SUGCT: variants seen among roughly 807,000 people sequenced by gnomAD.
SUGCT encodes the protein succinyl-CoA:glutarate CoA-transferase.
In SUGCT, 41 loss-of-function variants were observed where a neutral mutation model predicts 55.0. That is an observed-to-expected ratio of 0.74 (90% CI 0.58 to 0.97). The LOEUF is 0.97. Ranked by LOEUF, SUGCT falls within the 50% of genes least tolerant of loss-of-function variation. The probability of loss-of-function intolerance (pLI) is 0.00; values close to 1 mark genes in which losing one functional copy is unlikely to be tolerated. For synonymous variants in SUGCT, 187 were observed against 200.4 expected (o/e 0.93, Z 0.56); for missense variants, 568 against 547.8 (o/e 1.04, Z -0.37).
intron 12 of SUGCT, among the ~76,000 whole-genome samples, chr7:40,650,526 C>G (rs1800726294): frequency 6.6e-6 from 1 of 152,146 alleles, no homozygotes; most frequent in African/African-American, 2.4e-5. Flanking sequence ...GTTTTACCTC[C>G]TCTTATAATC....
chr7:40,765,067 A>G (rs1488835542), intron 13 of SUGCT, among the ~76,000 whole-genome samples: 1 of 152,180 alleles, frequency 6.6e-6, no homozygotes, highest in African/African-American at 2.4e-5. Flanking sequence ...GTGACAGCTT[A>G]TTTCATATTT....
At chr7:40,475,754 T>G (rs1461941159) in intron 11 of SUGCT, among the ~76,000 whole-genome samples, 1 of 152,196 alleles carries the variant, frequency 6.6e-6, no homozygotes, top group Non-Finnish European at 1.5e-5. Flanking sequence ...ATTGTTACTA[T>G]GATTCAGTAA....
At chr7:40,988,629 T>G in the SUGCT span, among the ~76,000 whole-genome samples, 1 of 152,140 alleles carries the variant, frequency 6.6e-6, no homozygotes, top group Non-Finnish European at 1.5e-5. Context: ...AAATATGCTT[T>G]AAATATGTGC....
chr7:40,965,668 T>A, the SUGCT span: 47 of 152,344 alleles, frequency 3.1e-4, no homozygotes, highest in Admixed American at 6.5e-4. Context: ...TACTTTTGTC[T>A]TTGGGTTGAT....
intron 12 of SUGCT, among the ~76,000 whole-genome samples, chr7:40,598,894 C>G (rs1008338413): frequency 6.6e-6 from 1 of 152,084 alleles, no homozygotes; most frequent in Non-Finnish European, 1.5e-5. Flanking sequence ...AATATTAGAC[C>G]GTCAAAATAC....
chr7:40,952,036 T>G, the SUGCT span, among the ~76,000 whole-genome samples: 1 of 152,202 alleles, frequency 6.6e-6, no homozygotes, highest in African/African-American at 2.4e-5. Context: ...TTGATCTGTC[T>G]AATGTTGGCA....
chr7:40,898,059 T>C, the SUGCT span, among the ~76,000 whole-genome samples: 3 of 152,154 alleles, frequency 2.0e-5, no homozygotes, highest in Non-Finnish European at 4.4e-5. Flanking sequence ...ATGCTGCTTA[T>C]TCCTTGGGTC....
chr7:40,868,609 C>T, the SUGCT span, among the ~76,000 whole-genome samples: 1 of 152,132 alleles, frequency 6.6e-6, no homozygotes, highest in Non-Finnish European at 1.5e-5. Context: ...TGCAGTGGCA[C>T]AATAATAGCA....
At chr7:40,837,011 C>T (rs947503574) in intron 13 of SUGCT, among the ~76,000 whole-genome samples, 1 of 152,044 alleles carries the variant, frequency 6.6e-6, no homozygotes, top group African/African-American at 2.4e-5. Context: ...AAGGAATTGT[C>T]GTACTCTTTT....
the SUGCT span, among the ~76,000 whole-genome samples, chr7:40,997,739 C>T: frequency 2.0e-5 from 3 of 152,204 alleles, no homozygotes; most frequent in Non-Finnish European, 4.4e-5. Flanking sequence ...GCTCTCAGAT[C>T]CTAGACAGTG....
rs561596200 is a variant in SUGCT, at chr7:40,200,441, G to T, written c.484+5381G>T. The stretch of plus-strand genomic sequence containing the variant: ...CTTGTCAGGGAAGGTTTTTTTTTGA[G>T]GGGGGTAACATTTAAGAGACCTGAA... On this transcript the variant is annotated intron_variant, in intron 6 of 13. Coordinates refer to ENST00000335693, the MANE Select transcript of SUGCT (RefSeq NM_001193313.2). Among the ~76,000 whole-genome samples the T allele has an allele frequency of 5.9e-5, 9 of 151,956 alleles. No individual in the cohort carries two copies. The East Asian group carries it at 7.7e-4, about 13-fold the overall frequency.
intron 12 of SUGCT, among the ~76,000 whole-genome samples, chr7:40,742,716 T>C (rs1248017756): frequency 2.0e-5 from 3 of 152,246 alleles, no homozygotes; most frequent in South Asian, 4.1e-4. Context: ...GGAAATTTCA[T>C]GTCAATTTGT....
the SUGCT span, among the ~76,000 whole-genome samples, chr7:40,937,632 A>G: frequency 1.3e-5 from 2 of 152,050 alleles, no homozygotes; most frequent in African/African-American, 4.8e-5. Flanking sequence ...TGGCCCTTGT[A>G]TCATTATAAA....
chr7:40,886,539 G>A, the SUGCT span, among the ~76,000 whole-genome samples: 1 of 152,198 alleles, frequency 6.6e-6, no homozygotes, highest in Admixed American at 6.5e-5. Context: ...AATTCATCAA[G>A]CAATGAATTG....
chr7:40,446,541 TGAAA>T (rs1788849840), intron 9 of SUGCT, among the ~76,000 whole-genome samples: 1 of 152,196 alleles, frequency 6.6e-6, no homozygotes, highest in African/African-American at 2.4e-5. Context: ...GGAGAATGTT[TGAAA>T]GAGTTTATGT....
chr7:40,943,452 C>T, the SUGCT span, among the ~76,000 whole-genome samples: 8 of 123,132 alleles, frequency 6.5e-5, no homozygotes, highest in Admixed American at 6.6e-4. Context: ...CACAACAGTC[C>T]CCAGAGTGTG....
intron 7 of SUGCT, among the ~76,000 whole-genome samples, chr7:40,249,344 T>TATATATATATATAA (rs1172651937): frequency 5.2e-4 from 66 of 128,094 alleles, no homozygotes; most frequent in Middle Eastern, 3.7e-3. Flanking sequence ...TATATATATA[T>TATATATATATATAA]ATAATTATAT....
chr7:40,291,505 T>C (rs1248433510), intron 8 of SUGCT, among the ~76,000 whole-genome samples: 1 of 70,214 alleles, frequency 1.4e-5, no homozygotes, highest in Non-Finnish European at 2.6e-5. Flanking sequence ...GGGACTGTTG[T>C]GGGGTGGGGG....
At chr7:40,249,337 A>ATC (rs959583985) in intron 7 of SUGCT, among the ~76,000 whole-genome samples, 2 of 113,658 alleles carry the variant, frequency 1.8e-5, no homozygotes, top group Admixed American at 9.2e-5. Context: ...ATATATATAT[A>ATC]TATATATATA....
Sources: allele counts gnomAD v4.1 joint callset (sites outside exome capture counted in the v4.1 genomes callset), GRCh38; gene constraint gnomAD v4.1.1; transcripts MANE v1.5; gene names NCBI Gene and HGNC (gene_info 2026-07-23, HGNC 2026-07-21).